The following PACRG variants were observed in gnomAD, a reference collection of about 807,000 sequenced individuals.
The protein encoded by PACRG is parkin coregulated.
PACRG carries 29 observed loss-of-function variants against 29.7 expected under a neutral mutation model. That is an observed-to-expected ratio of 0.98 (90% CI 0.73 to 1.33). PACRG has a LOEUF of 1.33. Among genes scored for constraint, PACRG ranks in the 40% most tolerant of loss-of-function variants. PACRG has a pLI of 0.00. For synonymous variants in PACRG, 116 were observed against 118.7 expected, an observed-to-expected ratio of 0.98 and a Z score of 0.15; for missense variants, 279 against 316.2, an observed-to-expected ratio of 0.88 and a Z score of 0.89.
upstream of PACRG, chr6:162,727,315 A>AGGTGAGGGGCGGCGGCGGGGCGCT: frequency 2.9e-6 from 1 of 347,814 alleles, no homozygotes; most frequent in Non-Finnish European, 5.2e-6. Flanking sequence ...GGCGGGGCGA[A>AGGTGAGGGGCGGCGGCGGGGCGCT]GGTGAGGGGC....
chr6:163,313,364 A>G (rs931097697), intron 4 of PACRG, among the ~76,000 whole-genome samples: 2 of 152,050 alleles, frequency 1.3e-5, no homozygotes, highest in African/African-American at 2.4e-5. Context: ...TCACCAAAAG[A>G]AAAGAATAAG....
intron 4 of PACRG, among the ~76,000 whole-genome samples, chr6:163,301,958 C>T (rs548197403): frequency 6.6e-6 from 1 of 152,336 alleles, no homozygotes; most frequent in African/African-American, 2.4e-5. Flanking sequence ...CCTGTTGTTT[C>T]ATTTCCAAGC....
chr6:162,781,456 G>A (rs1046989761), intron 1 of PACRG, among the ~76,000 whole-genome samples: 1 of 151,654 alleles, frequency 6.6e-6, no homozygotes, highest in South Asian at 2.1e-4. Flanking sequence ...ACCAGAAATG[G>A]AAACTATAAG....
Position 163,261,795 on chromosome 6 carries a change from G to A in PACRG, c.614-53032G>A, listed in dbSNP as rs141983134. Among the ~76,000 whole-genome samples the A allele has an allele frequency of 4.6e-5, 7 of 152,280 alleles. 1 individual carries two copies. The East Asian group carries it at 1.4e-3, about 29-fold the overall frequency. On this transcript the variant is annotated intron_variant, in intron 4 of 4. Transcript: ENST00000366888. The stretch of plus-strand genomic sequence containing the variant: ...ATTTACATAGCCTTACATTGTGTTA[G>A]ATATGATAAGTAATATAGAGATGAT...
chr6:162,756,556 T>C (rs1781940033), intron 1 of PACRG, among the ~76,000 whole-genome samples: 1 of 152,162 alleles, frequency 6.6e-6, no homozygotes, highest in South Asian at 2.1e-4. Context: ...GTGACCCTCT[T>C]ATAGGCAGCA....
chr6:163,288,725 C>A (rs1025482067), intron 4 of PACRG, among the ~76,000 whole-genome samples: 5 of 151,168 alleles, frequency 3.3e-5, no homozygotes, highest in Admixed American at 1.3e-4. Context: ...TCGTCTATAC[C>A]ACTCAACACT....
intron 2 of PACRG, among the ~76,000 whole-genome samples, chr6:162,848,907 C>G (rs1186018197): frequency 5.9e-5 from 9 of 152,146 alleles, no homozygotes. Flanking sequence ...ATAAAATACA[C>G]AATCAGAGCA....
At chr6:163,067,402 T>C (rs1186184084) in intron 3 of PACRG, among the ~76,000 whole-genome samples, 1 of 152,234 alleles carries the variant, frequency 6.6e-6, no homozygotes, top group Non-Finnish European at 1.5e-5. Context: ...TTCTCCCTTG[T>C]ATGTGGGATC....
At chr6:163,087,183 T>A (rs1019470355) in intron 3 of PACRG, among the ~76,000 whole-genome samples, 7 of 151,842 alleles carry the variant, frequency 4.6e-5, no homozygotes, top group African/African-American at 1.5e-4. Flanking sequence ...GCAATAAGAA[T>A]GGATACCTAG....
At chr6:162,834,694 G>T (rs543465101) in intron 2 of PACRG, among the ~76,000 whole-genome samples, 39 of 151,622 alleles carry the variant, frequency 2.6e-4, no homozygotes, top group Non-Finnish European at 4.1e-4. Context: ...ACTCCTTAAA[G>T]CAACTGTCCT....
intron 2 of PACRG, among the ~76,000 whole-genome samples, chr6:162,891,681 G>GA (rs1794769805): frequency 6.6e-6 from 1 of 152,040 alleles, no homozygotes. Flanking sequence ...TTTGCCACCT[G>GA]AAAAAACCAG....
intron 2 of PACRG, among the ~76,000 whole-genome samples, chr6:162,916,263 A>ATCAT (rs1562730022): frequency 1.3e-5 from 2 of 152,128 alleles, no homozygotes; most frequent in Non-Finnish European, 2.9e-5. Context: ...GATAATTTGA[A>ATCAT]TCATTGTTTC....
intron 4 of PACRG, among the ~76,000 whole-genome samples, chr6:163,091,572 C>T (rs1023287362): frequency 2.6e-5 from 4 of 152,086 alleles, no homozygotes; most frequent in Non-Finnish European, 5.9e-5. Flanking sequence ...TATTATCTTC[C>T]GCTTCATTTT....
chr6:163,072,846 G>T (rs1160103229), intron 3 of PACRG, among the ~76,000 whole-genome samples: 1 of 151,938 alleles, frequency 6.6e-6, no homozygotes, highest in Non-Finnish European at 1.5e-5. Context: ...TTACAATGTA[G>T]TCCCATTTAC....
intron 4 of PACRG, among the ~76,000 whole-genome samples, chr6:163,200,438 C>T (rs541876480): frequency 6.6e-6 from 1 of 152,154 alleles, no homozygotes; most frequent in East Asian, 1.9e-4. Context: ...CGTGACCTCG[C>T]GCAAAGGCAA....
chr6:163,217,681 G>A (rs1781417394), intron 4 of PACRG, among the ~76,000 whole-genome samples: 2 of 152,116 alleles, frequency 1.3e-5, no homozygotes, highest in African/African-American at 4.8e-5. Flanking sequence ...TACTGCCTGA[G>A]CTCCGCCTCC....
intron 4 of PACRG, among the ~76,000 whole-genome samples, chr6:163,115,234 T>C (rs1282981224): frequency 2.6e-5 from 4 of 152,126 alleles, no homozygotes; most frequent in Non-Finnish European, 5.9e-5. Context: ...GTGACCTTAT[T>C]ATACTGGGCT....
upstream of PACRG, chr6:162,727,703 C>T (rs1436351796): frequency 1.9e-6 from 3 of 1,562,234 alleles, no homozygotes; most frequent in South Asian, 3.5e-5. Flanking sequence ...GGGCCAGGAA[C>T]AGGCCCATGC....
intron 4 of PACRG, among the ~76,000 whole-genome samples, chr6:163,253,316 G>GGAAA (rs1387587484): frequency 1.9e-4 from 28 of 145,444 alleles, no homozygotes; most frequent in African/African-American, 6.5e-4. Context: ...AAAAAAAAAA[G>GGAAA]GAAAGAAAGA....
Sources: allele counts gnomAD v4.1 joint callset (sites outside exome capture counted in the v4.1 genomes callset), GRCh38; gene constraint gnomAD v4.1.1; transcripts MANE v1.5; gene names NCBI Gene and HGNC (gene_info 2026-07-23, HGNC 2026-07-21).